CAB39L: variants seen among roughly 807,000 people sequenced by gnomAD.
CAB39L encodes the protein calcium-binding protein 39-like.
Under a neutral mutation model 39.1 loss-of-function variants are expected in CAB39L, and 23 were observed. The ratio of observed to expected loss-of-function variants is 0.59; its 90% confidence interval spans 0.42 to 0.83. CAB39L has a LOEUF of 0.83. Among genes scored for constraint, CAB39L ranks in the 40% least tolerant of loss-of-function variants. The pLI is 0.00. For missense variants in CAB39L, 366 were observed against 391.9 expected, an observed-to-expected ratio of 0.93 and a Z score of 0.56; for synonymous variants, 126 against 137.2, an observed-to-expected ratio of 0.92 and a Z score of 0.57.
chr13:49,378,308 G>C (rs1397683739), intron 4 of CAB39L, among the ~76,000 whole-genome samples: 2 of 81,726 alleles, frequency 2.4e-5, no homozygotes, highest in Non-Finnish European at 5.0e-5. Flanking sequence ...ATCTGGGAGG[G>C]AGGTGGGGGG....
At chr13:49,344,141 A>G in intron 8 of CAB39L, 38 bp downstream of exon 8, 1 of 1,235,012 alleles carries the variant, frequency 8.1e-7, no homozygotes, top group Non-Finnish European at 1.2e-6. Flanking sequence ...GGAGGGAGAG[A>G]GAAAGTGGGA....
At chr13:49,361,493 A>AG (rs1955629028) in intron 5 of CAB39L, among the ~76,000 whole-genome samples, 1 of 150,102 alleles carries the variant, frequency 6.7e-6, no homozygotes, top group African/African-American at 2.4e-5. Flanking sequence ...AAAAAAAAAA[A>AG]AAAAAAAGAG....
At chr13:49,426,190 C>T (rs1378215102) in intron 3 of CAB39L, among the ~76,000 whole-genome samples, 2 of 152,110 alleles carry the variant, frequency 1.3e-5, no homozygotes, top group African/African-American at 2.4e-5. Flanking sequence ...GTTTCTTGGA[C>T]GCGCTATTGT....
At chr13:49,386,537 C>A (rs1038979239) in intron 3 of CAB39L, among the ~76,000 whole-genome samples, 5 of 152,128 alleles carry the variant, frequency 3.3e-5, no homozygotes, top group African/African-American at 1.2e-4. Flanking sequence ...TGCCTCAATA[C>A]AATCTCCTTT....
intron 6 of CAB39L, among the ~76,000 whole-genome samples, chr13:49,357,458 T>G (rs1384673222): frequency 6.6e-6 from 1 of 152,184 alleles, no homozygotes; most frequent in Non-Finnish European, 1.5e-5. Context: ...AAAGTTTGGG[T>G]TGAAAAACAG....
intron 3 of CAB39L, among the ~76,000 whole-genome samples, chr13:49,414,788 T>C (rs1194604768): frequency 1.3e-5 from 2 of 152,222 alleles, no homozygotes; most frequent in Non-Finnish European, 2.9e-5. Context: ...ATTACTTTTT[T>C]CTTCTTTATA....
intron 3 of CAB39L, among the ~76,000 whole-genome samples, chr13:49,391,887 A>G (rs2138623076): frequency 6.6e-6 from 1 of 152,206 alleles, no homozygotes; most frequent in East Asian, 1.9e-4. Context: ...ATTACAATAC[A>G]TACAAATGTG....
At chr13:49,357,801 C>T (rs1955526890) in intron 6 of CAB39L, among the ~76,000 whole-genome samples, 1 of 152,176 alleles carries the variant, frequency 6.6e-6, no homozygotes, top group South Asian at 2.1e-4. Context: ...CCCTGGATGA[C>T]TCCATGTTGC....
chr13:49,311,500 C>T (rs1288846481), intron 10 of CAB39L, among the ~76,000 whole-genome samples: 6 of 152,182 alleles, frequency 3.9e-5, no homozygotes, highest in Admixed American at 3.9e-4. Context: ...CAGCCTCAGG[C>T]AGGTCCCTCA....
In CAB39L at chr13:49,379,083, C is replaced by A. The variant is rs1956194394; in HGVS notation, c.112-1952G>T. On this transcript the variant is annotated intron_variant, in intron 4 of 10. Coordinates refer to ENST00000409308, the MANE Select transcript of CAB39L (RefSeq NM_001079670.3). Reference sequence around the variant, plus strand: ...CGAGAGGGAGGTGGGGGGGGTCAGCCCCCCCGCCCGGCCAGCCGCCCCGTC... The same window carrying A: ...CGAGAGGGAGGTGGGGGGGGTCAGCACCCCCGCCCGGCCAGCCGCCCCGTC... Among the ~76,000 whole-genome samples the A allele has an allele frequency of 5.7e-5, 3 of 52,488 alleles. 1 individual carries two copies. Among genetic ancestry groups the A allele is most frequent in the Non-Finnish European group, 1.1e-4 (3 of 26,456 alleles). The allele number at this position is 52,488 out of a possible 152,430, so 34.4% of individuals were successfully genotyped here.
At chr13:49,333,589 T>G (rs986998872) in intron 9 of CAB39L, among the ~76,000 whole-genome samples, 8 of 112,488 alleles carry the variant, frequency 7.1e-5, no homozygotes, top group African/African-American at 1.8e-4. Flanking sequence ...TTTTTTTTTT[T>G]GAGACAGAGT....
intron 6 of CAB39L, among the ~76,000 whole-genome samples, chr13:49,355,400 T>A (rs1369836283): frequency 1.3e-5 from 2 of 151,940 alleles, no homozygotes; most frequent in East Asian, 3.8e-4. Flanking sequence ...AATAAAATAA[T>A]GAGTTAGTTC....
chr13:49,398,137 G>A (rs1239570858), intron 3 of CAB39L, among the ~76,000 whole-genome samples: 2 of 151,932 alleles, frequency 1.3e-5, no homozygotes, highest in East Asian at 3.8e-4. Flanking sequence ...AAGTTGATTC[G>A]GTTTTTCTGG....
rs777940622 is a variant in CAB39L, at chr13:49,329,534, T to TAAAA, written c.834+2409_834+2412dup. The stretch of plus-strand genomic sequence containing the variant: ...ACCTTGTCCTACATATCTCTTCAAT[T>TAAAA]AAAAAAAAAAATATATATATATATA... On this transcript the variant is annotated intron_variant, in intron 10 of 10. Transcript: ENST00000409308. Among the ~76,000 whole-genome samples, 139 of 17,382 alleles carry TAAAA rather than the reference T, an allele frequency of 8.0e-3. 5 individuals are homozygous for TAAAA. The highest frequency in any genetic ancestry group is 0.011 in the East Asian group (3 of 280). 11.4% of individuals were successfully genotyped at this position (17,382 alleles called of 152,430 possible).
intron 10 of CAB39L, among the ~76,000 whole-genome samples, chr13:49,314,928 A>T (rs1954111538): frequency 6.6e-6 from 1 of 152,230 alleles, no homozygotes; most frequent in Non-Finnish European, 1.5e-5. Context: ...AGTAGAACAC[A>T]TACATTGTTG....
intron 3 of CAB39L, among the ~76,000 whole-genome samples, chr13:49,417,662 T>C (rs1327704519): frequency 6.6e-6 from 1 of 151,598 alleles, no homozygotes; most frequent in South Asian, 2.1e-4. Context: ...AACAATAAAA[T>C]ACACCTTTGG....
chr13:49,333,055 A>G lies in CAB39L; in HGVS notation c.691-965T>C, dbSNP rs370961843. 3.7e-3 allele frequency among the ~76,000 whole-genome samples: 566 copies of G among 152,224 alleles called. 3 individuals are homozygous for G. The highest frequency in any genetic ancestry group is 0.013 in the African/African-American group (549 of 41,546). The stretch of plus-strand genomic sequence containing the variant: ...AAAGGAGTCCCAGATGTGTGCAAGC[A>G]TCTGGCTGCCAGTAAACCACCACCT... On this transcript the variant is annotated intron_variant, in intron 9 of 10. Coordinates refer to ENST00000409308, the MANE Select transcript of CAB39L (RefSeq NM_001079670.3).
At chr13:49,416,876 T>C (rs1002579945) in intron 3 of CAB39L, among the ~76,000 whole-genome samples, 3 of 152,118 alleles carry the variant, frequency 2.0e-5, no homozygotes, top group Non-Finnish European at 2.9e-5. Flanking sequence ...GAGAATTAGG[T>C]AAGATGTAAG....
At chr13:49,378,554 C>G (rs1482806314) in intron 4 of CAB39L, among the ~76,000 whole-genome samples, 15 of 68,932 alleles carry the variant, frequency 2.2e-4, no homozygotes, top group South Asian at 1.6e-3. Context: ...TCAGCCCCCC[C>G]ACCCGGCCAG....
Sources: gnomAD v4.1 joint callset for allele counts (sites outside exome capture counted in the v4.1 genomes callset) on GRCh38, gnomAD v4.1.1 for gene constraint, MANE v1.5 for transcripts, NCBI Gene and HGNC (gene_info 2026-07-23, HGNC 2026-07-21) for gene names.